The following LCAT variants were observed in gnomAD, a reference collection of about 807,000 sequenced individuals.
LCAT encodes the protein lecithin-cholesterol acyltransferase.
LCAT carries 15 observed loss-of-function variants against 41.0 expected under a neutral mutation model. The observed-to-expected ratio is 0.37, with a 90% CI of 0.24 to 0.56. The LOEUF is 0.56. Ranked by LOEUF, LCAT falls within the 20% of genes least tolerant of loss-of-function variation. The pLI, the probability that LCAT is intolerant of heterozygous loss-of-function variation, is 0.81. For missense variants in LCAT, 449 were observed against 595.1 expected, an observed-to-expected ratio of 0.75 and a Z score of 2.55; for synonymous variants, 248 against 245.4, an observed-to-expected ratio of 1.01 and a Z score of -0.10.
chr16:67,940,301 A>G lies in LCAT; in HGVS notation c.926T>C (p.Leu309Pro). 2 of 1,614,150 alleles carry G rather than the reference A, an allele frequency of 1.2e-6. No individual in the cohort carries two copies. Among genetic ancestry groups the G allele is most frequent in the Non-Finnish European group, 1.7e-6 (2 of 1,180,038 alleles). ...CATGTACCAGCCTTCCTCAAAGTGC[A>G]GGTCTGCAAAGAAGCGTTGGAAGTC... The part of the protein sequence containing the change: ...GRDFQRFFAD[L>P]HFEEGWYMWL... Residue 309 changes from leucine (L) to proline (P), a missense_variant, in exon 6 of 6, where the codon CTG becomes CCG. Physicochemically the swap from Leu to Pro is moderately conservative, Grantham distance 98. Coordinates refer to ENST00000264005, the MANE Select transcript of LCAT (RefSeq NM_000229.2).
chr16:67,943,158 A>T lies in LCAT; in HGVS notation c.209T>A (p.Val70Glu), dbSNP rs748427834. Residue 70 changes from valine to glutamate, a missense_variant, in exon 2 of 6, where the codon GTG (valine) becomes GAG (glutamate). Coordinates refer to ENST00000264005, the MANE Select transcript of LCAT (RefSeq NM_000229.2). The surrounding 1 kb of genome is among the most constrained non-coding windows in gnomAD (Gnocchi z 4.6). ...TGTCTTGCGGTAGCACATCCAGTTC[A>T]CCACATCTGGTTTGTCCAGCTTGGC... ...LEAKLDKPDV[V>E]NWMCYRKTED... The T allele has an allele frequency of 1.9e-6, 3 of 1,613,844 alleles. No homozygotes were observed. The highest frequency in any genetic ancestry group is 2.5e-6 in the Non-Finnish European group (3 of 1,179,934).
rs1409839024 is a variant in LCAT, at chr16:67,943,554, G to A, written c.155-342C>T. ...GGGCATGGGGGCTGGGCCTAATAGG[G>A]GCCGGGCATGGATGGGCCTCTCCTG... On this transcript the variant is annotated intron_variant, in intron 1 of 5. Transcript: ENST00000264005. The surrounding 1 kb of genome is among the most constrained non-coding windows in gnomAD (Gnocchi z 4.6). The A allele has an allele frequency of 2.0e-6, 1 of 503,932 alleles. No homozygotes were observed. Among genetic ancestry groups the A allele is most frequent in the Non-Finnish European group, 3.6e-6 (1 of 275,580 alleles). 31.2% of individuals were successfully genotyped at this position (503,932 alleles called of 1,614,324 possible). A position where few individuals can be genotyped will look rare whatever the true frequency, so the allele number is the denominator to read the frequency against.
In LCAT at chr16:67,939,899, G is replaced by A. The variant is rs2058282887; in HGVS notation, c.*5C>T. On this transcript the variant is annotated 3_prime_UTR_variant, in exon 6 of 6. Transcript: ENST00000264005. ...ATCAGGGCTTACGGTAGCAAAGGAA[G>A]GTCTTTATTCAGGAGGCGGGGGCTC... The A allele has an allele frequency of 1.2e-6, 2 of 1,610,288 alleles. No individual in the cohort carries two copies. The highest frequency in any genetic ancestry group is 2.7e-5 in the African/African-American group (2 of 74,890).
chr16:67,939,809 G>C lies in LCAT; in HGVS notation c.*95C>G. On this transcript the variant is annotated 3_prime_UTR_variant, in exon 6 of 6. Transcript: ENST00000264005. ...CCTCACTGCACACAGCACTGAGCCT[G>C]TGGCTGGTGAGGAGTGAAACCTAGT... 6.4e-7 allele frequency: 1 copy of C among 1,552,938 alleles called. No homozygotes were observed. Among genetic ancestry groups the C allele is most frequent in the African/African-American group, 1.4e-5 (1 of 73,904 alleles).
rs772821038 is a variant in LCAT, at chr16:67,940,134, A to G, written c.1093T>C (p.Tyr365His). 1 of 1,613,504 alleles carries G rather than the reference A, an allele frequency of 6.2e-7. No individual in the cohort carries two copies. The highest frequency in any genetic ancestry group is 1.1e-5 in the South Asian group (1 of 91,084). ...FPYTDPVGVL[Y>H]EDGDDTVATR... ...GCCACCGTGTCATCACCATCCTCATAGAGCACACCCACAGGGTCCGTGTAG... is the reference window on the plus strand; with the variant it reads ...GCCACCGTGTCATCACCATCCTCATGGAGCACACCCACAGGGTCCGTGTAG... Residue 365 changes from tyrosine (Y) to histidine (H), a missense_variant, in exon 6 of 6, where the codon TAT becomes CAT. Transcript: ENST00000264005.
intron 5 of LCAT, chr16:67,941,588 G>A (rs761929925): frequency 7.5e-5 from 73 of 972,358 alleles, no homozygotes; most frequent in Non-Finnish European, 8.7e-5. Flanking sequence ...CTGCACTCCA[G>A]CCTGGGCGAC....
At chr16:67,941,324 T>A (rs2058289460) in intron 5 of LCAT, 1 of 147,364 alleles carries the variant, frequency 6.8e-6, no homozygotes. Context: ...AATAAACAAA[T>A]AAACATTTTT....
At position 67,943,736 on chromosome 16, in the gene LCAT, C is replaced by T. The variant is rs984224013; in HGVS notation, c.154+212G>A. 4.6e-5 allele frequency: 27 copies of T among 585,850 alleles called. No individual in the cohort carries two copies. The Admixed American group carries it at 5.0e-4, about 11-fold the overall frequency. The allele number at this position is 585,850 out of a possible 1,614,324, so 36.3% of individuals were successfully genotyped here. The stretch of plus-strand genomic sequence containing the variant: ...ACACCCCGTCCCCCACTCCGCCCCC[C>T]CTGGGTTAGACAACTGAGAGTCACA... On this transcript the variant is annotated intron_variant, in intron 1 of 5. Transcript: ENST00000264005. The surrounding 1 kb of genome is among the most constrained non-coding windows in gnomAD (Gnocchi z 4.6).
In LCAT at chr16:67,940,366, G is replaced by C; in HGVS notation, c.861C>G (p.His287Gln). ...TGAAGCTGGGTGTGGAAATGAACACGTGGTCCTCAGGCCACGCCATGCGAG... is the reference window on the plus strand; with the variant it reads ...TGAAGCTGGGTGTGGAAATGAACACCTGGTCCTCAGGCCACGCCATGCGAG... ...FPSRMAWPED[H>Q]VFISTPSFNY... Residue 287 changes from histidine (H) to glutamine (Q), a missense_variant, in exon 6 of 6, where the codon CAC (histidine) becomes CAG (glutamine). His to Gln is a conservative substitution (Grantham distance 24). Coordinates refer to ENST00000264005, the MANE Select transcript of LCAT (RefSeq NM_000229.2). 3 of 1,614,146 alleles carry C rather than the reference G, an allele frequency of 1.9e-6. No individual in the cohort carries two copies. Among genetic ancestry groups the C allele is most frequent in the Non-Finnish European group, 1.7e-6 (2 of 1,180,048 alleles).
chr16:67,942,809 C>T lies in LCAT; in HGVS notation c.428-43G>A, dbSNP rs1489803211. On this transcript the variant is annotated intron_variant, in intron 3 of 5. Transcript: ENST00000264005. This position sits in a 1 kb window ranked among gnomAD's most constrained non-coding sequence, Gnocchi z 6.6. ...GCACCGGGGGCTTGGGCCATGCCTG[C>T]TGTGGGCCAGCACCCAGGCCTGGAG... 1 of 1,611,894 alleles carries T rather than the reference C, an allele frequency of 6.2e-7. No individual in the cohort carries two copies. The highest frequency in any genetic ancestry group is 1.3e-5 in the African/African-American group (1 of 74,908).
At chr16:67,941,526 CAGG>C (rs2058290342) in intron 5 of LCAT, 1 of 552,554 alleles carries the variant, frequency 1.8e-6, no homozygotes, top group African/African-American at 2.1e-5. Context: ...GAGGCTGAGG[CAGG>C]AGGATTGCTT....
rs753534549 is a variant in LCAT at position 67,942,492 on chromosome 16, C to T, written c.619G>A (p.Gly207Ser). 10 of 1,613,778 alleles carry T rather than the reference C, an allele frequency of 6.2e-6. No homozygotes were observed. The highest frequency in any genetic ancestry group is 2.2e-5 in the East Asian group (1 of 44,884). The change falls in exon 5 of 6, where the codon GGC becomes AGC. Residue 207 changes from glycine to serine, a missense_variant. Gly to Ser is a moderately conservative substitution (Grantham distance 56). Coordinates refer to ENST00000264005, the MANE Select transcript of LCAT (RefSeq NM_000229.2). This position sits in a 1 kb window ranked among gnomAD's most constrained non-coding sequence, Gnocchi z 6.6. Reference protein sequence around the residue: ...KPVFLIGHSLGCLHLLYFLLR... With the variant: ...KPVFLIGHSLSCLHLLYFLLR... Reference sequence around the variant, plus strand: ...AGGAAATAGAGCAAGTGTAGACAGCCGAGGCTGTGGCCAATGAGGAAGACA... The same window carrying T: ...AGGAAATAGAGCAAGTGTAGACAGCTGAGGCTGTGGCCAATGAGGAAGACA...
Position 67,943,757 on chromosome 16 carries a change from TCA to T in LCAT, c.154+189_154+190del, listed in dbSNP as rs1250125204. 6 of 604,370 alleles carry T rather than the reference TCA, an allele frequency of 9.9e-6. No homozygotes were observed. Among genetic ancestry groups the T allele is most frequent in the East Asian group, 2.9e-5 (1 of 35,034 alleles). The allele number at this position is 604,370 out of a possible 1,614,324, so 37.4% of individuals were successfully genotyped here. A position where few individuals can be genotyped will look rare whatever the true frequency, so the allele number is the denominator to read the frequency against. ...CCCCCCTGGGTTAGACAACTGAGAGTCACAGTGTGGTGGGAGAAGGGACGTCA... is the reference window on the plus strand; with the variant it reads ...CCCCCCTGGGTTAGACAACTGAGAGTCAGTGTGGTGGGAGAAGGGACGTCA... On this transcript the variant is annotated intron_variant, in intron 1 of 5. Transcript: ENST00000264005. The surrounding 1 kb of genome is among the most constrained non-coding windows in gnomAD (Gnocchi z 4.6).
rs751105814 is a variant in LCAT at position 67,939,948 on chromosome 16, G to A, written c.1279C>T (p.Pro427Ser). 1 of 1,613,572 alleles carries A rather than the reference G, an allele frequency of 6.2e-7. No homozygotes were observed. Among genetic ancestry groups the A allele is most frequent in the Non-Finnish European group, 8.5e-7 (1 of 1,179,988 alleles). Residue 427 changes from proline (P) to serine (S), a missense_variant, in exon 6 of 6, where the codon CCT (proline) becomes TCT (serine). Transcript: ENST00000264005. ...ILLGAYRQGP[P>S]ASPTASPEPP... ...TCTGGGCTGGCAGTCGGGGATGCAG[G>A]GGGACCCTGGCGGTAGGCACCCAGC...
chr16:67,943,571 C>A lies in LCAT; in HGVS notation c.155-359G>T. 1 of 505,832 alleles carries A rather than the reference C, an allele frequency of 2.0e-6. No individual in the cohort carries two copies. The highest frequency in any genetic ancestry group is 3.6e-6 in the Non-Finnish European group (1 of 277,060). 31.3% of individuals were successfully genotyped at this position (505,832 alleles called of 1,614,324 possible). A position where few individuals can be genotyped will look rare whatever the true frequency, so the allele number is the denominator to read the frequency against. ...CTAATAGGGGCCGGGCATGGATGGGCCTCTCCTGCTCACCGATCCTGGGCT... is the reference window on the plus strand; with the variant it reads ...CTAATAGGGGCCGGGCATGGATGGGACTCTCCTGCTCACCGATCCTGGGCT... On this transcript the variant is annotated intron_variant, in intron 1 of 5. Coordinates refer to ENST00000264005, the MANE Select transcript of LCAT (RefSeq NM_000229.2). This position sits in a 1 kb window ranked among gnomAD's most constrained non-coding sequence, Gnocchi z 4.6.
chr16:67,941,750 G>T, intron 5 of LCAT: 1 of 1,004,410 alleles, frequency 1.0e-6, no homozygotes, highest in Non-Finnish European at 1.2e-6. Flanking sequence ...TCTGCTCCTT[G>T]TGTGGCTTAT....
chr16:67,943,564 G>A lies in LCAT; in HGVS notation c.155-352C>T. 2.0e-6 allele frequency: 1 copy of A among 505,624 alleles called. No homozygotes were observed. Among genetic ancestry groups the A allele is most frequent in the Non-Finnish European group, 3.6e-6 (1 of 276,658 alleles). The allele number at this position is 505,624 out of a possible 1,614,324, so 31.3% of individuals were successfully genotyped here. On this transcript the variant is annotated intron_variant, in intron 1 of 5. Transcript: ENST00000264005. The surrounding 1 kb of genome is among the most constrained non-coding windows in gnomAD (Gnocchi z 4.6). ...GCTGGGCCTAATAGGGGCCGGGCAT[G>A]GATGGGCCTCTCCTGCTCACCGATC...
In LCAT at chr16:67,941,760, T is replaced by C. The variant is rs868820672; in HGVS notation, c.748+603A>G. The C allele has an allele frequency of 2.6e-5, 26 of 1,011,784 alleles. No individual in the cohort carries two copies. The Middle Eastern group carries it at 1.5e-3, about 59-fold the overall frequency. 62.7% of individuals were successfully genotyped at this position (1,011,784 alleles called of 1,614,324 possible). On this transcript the variant is annotated intron_variant, in intron 5 of 5. Coordinates refer to ENST00000264005, the MANE Select transcript of LCAT (RefSeq NM_000229.2). ...GTCTTTCTGCTCCTTGTGTGGCTTATGCAGCAATGGGGGCCACAGAGTTGT... is the reference window on the plus strand; with the variant it reads ...GTCTTTCTGCTCCTTGTGTGGCTTACGCAGCAATGGGGGCCACAGAGTTGT...
At chr16:67,941,562 G>T in intron 5 of LCAT, 1 of 865,596 alleles carries the variant, frequency 1.2e-6, no homozygotes, top group Non-Finnish European at 1.4e-6. Flanking sequence ...TTGAGACTGC[G>T]GCTATGATCA....
Sources: allele counts gnomAD v4.1 joint callset, GRCh38; gene constraint gnomAD v4.1.1; non-coding constraint Gnocchi (gnomAD v3.1); transcripts MANE v1.5; gene names NCBI Gene and HGNC (gene_info 2026-07-23, HGNC 2026-07-21).